The following ASPH variants were observed in gnomAD, a reference collection of about 807,000 sequenced individuals.
ASPH encodes the protein aspartate beta-hydroxylase, also known as aspartyl/asparaginyl beta-hydroxylase.
Under a neutral mutation model 118.4 loss-of-function variants are expected in ASPH, and 100 were observed. The observed-to-expected ratio is 0.84, with a 90% CI of 0.72 to 1.00. The LOEUF (loss-of-function observed/expected upper bound fraction) is 1.00. ASPH is among the 50% of genes least tolerant of loss of function. The pLI, the probability that ASPH is intolerant of heterozygous loss-of-function variation, is 0.00. For synonymous variants in ASPH, 315 were observed against 325.6 expected (o/e 0.97, Z 0.35); for missense variants, 920 against 919.5 (o/e 1.00, Z -0.01).
At chr8:61,666,880 T>C (rs1400730226) in intron 3 of ASPH, among the ~76,000 whole-genome samples, 1 of 152,216 alleles carries the variant, frequency 6.6e-6, no homozygotes, top group Non-Finnish European at 1.5e-5. Context: ...TGCAATGCTA[T>C]CATGTCTTAT....
At chr8:61,552,963 C>T (rs1826530708) in intron 20 of ASPH, 68 bp downstream of exon 20, 2 of 1,320,546 alleles carry the variant, frequency 1.5e-6, no homozygotes, top group African/African-American at 1.5e-5. Context: ...TTCTAACTTT[C>T]CTAGAAATAA....
At chr8:61,664,233 CTAGTG>C (rs1424441921) in intron 3 of ASPH, 2 of 967,898 alleles carry the variant, frequency 2.1e-6, no homozygotes, top group Non-Finnish European at 2.5e-6. Flanking sequence ...ATTCTGATCT[CTAGTG>C]AAGAGATTAC....
At chr8:61,615,145 C>T (rs1192909640) in intron 14 of ASPH, among the ~76,000 whole-genome samples, 1 of 152,172 alleles carries the variant, frequency 6.6e-6, no homozygotes, top group African/African-American at 2.4e-5. Context: ...GTCTCATGCA[C>T]TCCTGCACTC....
intron 24 of ASPH, among the ~76,000 whole-genome samples, chr8:61,512,718 C>G (rs987395258): frequency 1.3e-5 from 2 of 152,180 alleles, no homozygotes; most frequent in Non-Finnish European, 2.9e-5. Flanking sequence ...CCTAATTATA[C>G]AGGATTGCCA....
At chr8:61,565,487 A>C (rs1366554634) in intron 17 of ASPH, among the ~76,000 whole-genome samples, 2 of 152,200 alleles carry the variant, frequency 1.3e-5, no homozygotes, top group Non-Finnish European at 2.9e-5. Context: ...GGGAAGAAAG[A>C]GGGAGAAGAG....
At chr8:61,563,339 C>G (rs1291289999) in intron 17 of ASPH, among the ~76,000 whole-genome samples, 1 of 152,208 alleles carries the variant, frequency 6.6e-6, no homozygotes, top group Non-Finnish European at 1.5e-5. Context: ...CAGTACCTAA[C>G]TGCTGACACA....
intron 20 of ASPH, among the ~76,000 whole-genome samples, chr8:61,552,755 C>A (rs1466372927): frequency 1.3e-5 from 2 of 152,098 alleles, no homozygotes; most frequent in Non-Finnish European, 2.9e-5. Context: ...CAGACAAAAA[C>A]ATACACAGAC....
rs34022613 is a variant in ASPH, at chr8:61,536,037, C to CTTT, written c.1765-9928_1765-9926dup. On this transcript the variant is annotated intron_variant, in intron 21 of 24. Transcript: ENST00000379454. ...TATACAGATAAAAGAAAACAGGTGA[C>CTTT]TTTTTTTTTTTTTTTTTTTGAGACA... is the stretch of plus-strand genomic sequence containing the variant. 9.0e-4 allele frequency among the ~76,000 whole-genome samples: 115 copies of CTTT among 128,382 alleles called. 3 individuals carry two copies. Among genetic ancestry groups the CTTT allele is most frequent in the East Asian group, 3.0e-3 (13 of 4,332 alleles). The allele number at this position is 128,382 out of a possible 152,430, so 84.2% of individuals were successfully genotyped here.
chr8:61,688,658 G>A (rs1589220825), intron 1 of ASPH, among the ~76,000 whole-genome samples: 1 of 152,136 alleles, frequency 6.6e-6, no homozygotes, highest in East Asian at 1.9e-4. Context: ...CACAAAAACT[G>A]TCAAGCAACT....
At chr8:61,554,107 C>T (rs2131170211) in intron 19 of ASPH, among the ~76,000 whole-genome samples, 1 of 152,306 alleles carries the variant, frequency 6.6e-6, no homozygotes, top group Admixed American at 6.5e-5. Flanking sequence ...ACCAGTAAGC[C>T]ATCCTATGTC....
intron 1 of ASPH, among the ~76,000 whole-genome samples, chr8:61,708,405 T>C (rs1185752698): frequency 6.6e-6 from 1 of 152,172 alleles, no homozygotes; most frequent in Non-Finnish European, 1.5e-5. Flanking sequence ...ATTTTGAGGT[T>C]TATGTAAGTC....
chr8:61,634,516 T>A (rs980033222), intron 12 of ASPH, among the ~76,000 whole-genome samples: 1 of 152,214 alleles, frequency 6.6e-6, no homozygotes, highest in Non-Finnish European at 1.5e-5. Flanking sequence ...TTATAAAAAA[T>A]GACACATGCT....
At chr8:61,514,518 G>A (rs1049277563) in intron 24 of ASPH, among the ~76,000 whole-genome samples, 2 of 152,000 alleles carry the variant, frequency 1.3e-5, no homozygotes, top group African/African-American at 4.8e-5. Context: ...GACCATCCTG[G>A]CTAACACGGT....
intron 22 of ASPH, among the ~76,000 whole-genome samples, chr8:61,521,824 C>T (rs1461198712): frequency 6.6e-6 from 1 of 152,164 alleles, no homozygotes; most frequent in Non-Finnish European, 1.5e-5. Context: ...TTTGTGAGGG[C>T]TATTCATGGA....
chr8:61,682,600 T>C (rs1194015522), intron 2 of ASPH: 17 of 969,164 alleles, frequency 1.8e-5, no homozygotes, highest in East Asian at 1.5e-4. Context: ...AGTCAAAGCA[T>C]AGATCTACTC....
chr8:61,710,379 T>G (rs2151927858), intron 1 of ASPH, among the ~76,000 whole-genome samples: 1 of 152,332 alleles, frequency 6.6e-6, no homozygotes, highest in South Asian at 2.1e-4. Context: ...ATAGACCCTA[T>G]GAGCCTTTAT....
intron 15 of ASPH, chr8:61,578,296 C>T (rs949736833): frequency 7.3e-5 from 117 of 1,593,812 alleles, no homozygotes; most frequent in East Asian, 3.6e-4. Context: ...CGCTCCTACA[C>T]GAGTGGGCCC....
intron 14 of ASPH, among the ~76,000 whole-genome samples, chr8:61,594,529 G>A (rs1005191259): frequency 3.3e-5 from 5 of 152,162 alleles, no homozygotes; most frequent in Non-Finnish European, 5.9e-5. Flanking sequence ...GATTAGTACA[G>A]GAATCCCCTT....
At chr8:61,579,020 C>G in intron 15 of ASPH, 2 of 1,610,452 alleles carry the variant, frequency 1.2e-6, no homozygotes, top group Non-Finnish European at 1.7e-6. Context: ...AGGCACAGTA[C>G]GAGGATATTG....
Sources: allele counts gnomAD v4.1 joint callset (sites outside exome capture counted in the v4.1 genomes callset), GRCh38; gene constraint gnomAD v4.1.1; transcripts MANE v1.5; gene names NCBI Gene and HGNC (gene_info 2026-07-23, HGNC 2026-07-21).